The following KIF6 variants were observed in gnomAD, a reference collection of about 807,000 sequenced individuals.
KIF6 encodes the protein kinesin family member 6.
A neutral mutation model predicts 112.7 loss-of-function variants in KIF6; 106 were observed. That is an observed-to-expected ratio of 0.94 (90% confidence interval 0.80 to 1.11). The LOEUF is 1.11. KIF6 is among the 50% of genes least tolerant of loss of function. The probability of loss-of-function intolerance (pLI) is 0.00; values close to 1 mark genes in which losing one functional copy is unlikely to be tolerated. For missense variants in KIF6, 929 were observed against 964.0 expected, an observed-to-expected ratio of 0.96 and a Z score of 0.48; for synonymous variants, 339 against 339.9, an observed-to-expected ratio of 1.00 and a Z score of 0.03.
At chr6:39,502,233 A>G (rs899713234) in intron 13 of KIF6, among the ~76,000 whole-genome samples, 2 of 152,174 alleles carry the variant, frequency 1.3e-5, no homozygotes, top group African/African-American at 4.8e-5. Flanking sequence ...ATATTGACCA[A>G]ACTAAGCTTC....
At position 39,544,382 on chromosome 6, in the gene KIF6, CTT is replaced by C. The variant is rs1778953181; in HGVS notation, c.1426+171_1426+172del. ...CACATTTTTTTCTTTTATAGAAACT[CTT>C]TTTCACTGGTTGCAATACTTTGCTG... On this transcript the variant is annotated intron_variant, in intron 12 of 22. Transcript: ENST00000287152. 5.5e-5 allele frequency: 27 copies of C among 487,778 alleles called. No homozygotes were observed. In the South Asian group the frequency reaches 1.6e-3, roughly 28 times the overall value. The allele number at this position is 487,778 out of a possible 1,614,324, so 30.2% of individuals were successfully genotyped here. A position where few individuals can be genotyped will look rare whatever the true frequency, so the allele number is the denominator to read the frequency against.
chr6:39,335,414 T>C lies in KIF6; in HGVS notation c.*1118A>G, dbSNP rs1326698048. On this transcript the variant is annotated 3_prime_UTR_variant, in exon 23 of 23. Coordinates refer to ENST00000287152, the MANE Select transcript of KIF6 (RefSeq NM_145027.6). The stretch of plus-strand genomic sequence containing the variant: ...AATGGTTTAATCTTCTCCTGCATGA[T>C]CCTGTTACCCAGTCCTAAAAAACGA... 6.6e-6 allele frequency: 1 copy of C among 152,238 alleles called. No individual in the cohort carries two copies. Among genetic ancestry groups the C allele is most frequent in the Non-Finnish European group, 1.5e-5 (1 of 68,102 alleles). 9.4% of individuals were successfully genotyped at this position (152,238 alleles called of 1,614,324 possible).
intron 22 of KIF6, among the ~76,000 whole-genome samples, chr6:39,338,071 G>A (rs1216569986): frequency 6.6e-6 from 1 of 152,220 alleles, no homozygotes; most frequent in Non-Finnish European, 1.5e-5. Flanking sequence ...GTGAGAACTG[G>A]TAAGAGTGAT....
At chr6:39,422,229 G>A (rs980901105) in intron 14 of KIF6, among the ~76,000 whole-genome samples, 6 of 152,158 alleles carry the variant, frequency 3.9e-5, no homozygotes, top group African/African-American at 1.2e-4. Context: ...ACTTTCCACC[G>A]CAGTGCTGCC....
In KIF6 at chr6:39,521,596, G is replaced by A. The variant is rs977621719; in HGVS notation, c.1645+18407C>T. Among the ~76,000 whole-genome samples, 34 of 151,988 alleles carry A rather than the reference G, an allele frequency of 2.2e-4. 1 individual carries two copies. The highest frequency in any genetic ancestry group is 1.9e-4 in the East Asian group (1 of 5,182). ...ACCAACTGTCCCCCTAAAAATGTAG[G>A]GAAAAATCTACTGGAGAAAGATAAT... On this transcript the variant is annotated intron_variant, in intron 13 of 22. Transcript: ENST00000287152.
intron 10 of KIF6, among the ~76,000 whole-genome samples, chr6:39,565,343 C>T (rs1266435841): frequency 6.7e-6 from 1 of 149,764 alleles, no homozygotes; most frequent in Non-Finnish European, 1.5e-5. Flanking sequence ...TCTAGGCAGG[C>T]ACCAGGCTTT....
intron 10 of KIF6, among the ~76,000 whole-genome samples, chr6:39,568,172 G>A (rs190999322): frequency 1.1e-4 from 16 of 152,286 alleles, no homozygotes; most frequent in Non-Finnish European, 1.5e-4. Flanking sequence ...ATTGACAAAG[G>A]ACAATGAAAC....
rs77454056 is a variant in KIF6, at chr6:39,353,232, G to C, written c.2180+4045C>G. ...TTGCTCAACATCCTCACTGGCATTT[G>C]GAATTGTCATTTTTTGTTTTATTTT... is the stretch of plus-strand genomic sequence containing the variant. On this transcript the variant is annotated intron_variant, in intron 19 of 22. Transcript: ENST00000287152. Among the ~76,000 whole-genome samples the C allele has an allele frequency of 2.1e-3, 322 of 152,178 alleles. 1 individual carries two copies. The highest frequency in any genetic ancestry group is 7.0e-3 in the African/African-American group (292 of 41,522).
chr6:39,708,421 T>C (rs1450259237), intron 3 of KIF6, among the ~76,000 whole-genome samples: 1 of 152,204 alleles, frequency 6.6e-6, no homozygotes, highest in African/African-American at 2.4e-5. Context: ...GGTTAACCAG[T>C]GGTGGCTCAT....
rs1332869817 is a variant in KIF6 at position 39,578,143 on chromosome 6, TGTAGGC to T, written c.1088_1093del (p.Arg363_Leu364del). ...ATCCTTCAGTTCCTGGATTTCCTTT[TGTAGGC>T]GTTTAATCACCTACAAATGGCAAAG... On this transcript the variant is annotated inframe_deletion, in exon 10 of 23. Transcript: ENST00000287152. The T allele has an allele frequency of 6.2e-7, 1 of 1,613,580 alleles. No individual in the cohort carries two copies. The highest frequency in any genetic ancestry group is 8.5e-7 in the Non-Finnish European group (1 of 1,179,514).
intron 13 of KIF6, among the ~76,000 whole-genome samples, chr6:39,526,879 G>A (rs527385348): frequency 2.0e-5 from 3 of 152,340 alleles, no homozygotes; most frequent in Admixed American, 6.5e-5. Context: ...GGATGAGATG[G>A]ATCATGGGTG....
intron 1 of KIF6, among the ~76,000 whole-genome samples, chr6:39,723,103 T>C (rs1308094730): frequency 2.0e-5 from 3 of 152,180 alleles, no homozygotes; most frequent in Non-Finnish European, 4.4e-5. Context: ...AAATGTTACA[T>C]ACAATACACT....
intron 13 of KIF6, among the ~76,000 whole-genome samples, chr6:39,528,759 A>G (rs779243643): frequency 3.3e-5 from 5 of 152,256 alleles, no homozygotes; most frequent in Non-Finnish European, 5.9e-5. Flanking sequence ...ATCTGTTCAT[A>G]GACTGGAAGA....
chr6:39,443,509 T>A (rs1772094893), intron 13 of KIF6, among the ~76,000 whole-genome samples: 1 of 152,190 alleles, frequency 6.6e-6, no homozygotes, highest in Non-Finnish European at 1.5e-5. Context: ...AGTGGTGCAA[T>A]CTTGGCTCAC....
chr6:39,587,510 G>A (rs1335208770), intron 7 of KIF6, among the ~76,000 whole-genome samples: 3 of 152,096 alleles, frequency 2.0e-5, no homozygotes, highest in Non-Finnish European at 4.4e-5. Context: ...GTCATCCTGT[G>A]ATCTCTCTCT....
chr6:39,469,342 T>C (rs1009646894), intron 13 of KIF6, among the ~76,000 whole-genome samples: 4 of 151,926 alleles, frequency 2.6e-5, no homozygotes, highest in Non-Finnish European at 4.4e-5. Context: ...TTAATGCAAA[T>C]AGATTAAAAA....
chr6:39,516,073 A>G (rs1403450292), intron 13 of KIF6, among the ~76,000 whole-genome samples: 1 of 152,204 alleles, frequency 6.6e-6, no homozygotes, highest in Non-Finnish European at 1.5e-5. Flanking sequence ...TAAATTAGAG[A>G]TACTCAACCA....
At chr6:39,425,349 C>T (rs1770690843) in intron 14 of KIF6, among the ~76,000 whole-genome samples, 1 of 152,174 alleles carries the variant, frequency 6.6e-6, no homozygotes, top group African/African-American at 2.4e-5. Flanking sequence ...AAGACTGGGC[C>T]TATATTTTGC....
At chr6:39,509,755 T>C (rs535951152) in intron 13 of KIF6, among the ~76,000 whole-genome samples, 1 of 152,324 alleles carries the variant, frequency 6.6e-6, no homozygotes, top group South Asian at 2.1e-4. Context: ...CTACATTTGA[T>C]TGGTGTACCT....
Sources: allele counts gnomAD v4.1 joint callset (sites outside exome capture counted in the v4.1 genomes callset), GRCh38; gene constraint gnomAD v4.1.1; transcripts MANE v1.5; gene names NCBI Gene and HGNC (gene_info 2026-07-23, HGNC 2026-07-21).